The following MYO1C variants were observed in gnomAD, a reference collection of about 807,000 sequenced individuals.
MYO1C encodes unconventional myosin-Ic.
A neutral mutation model predicts 150.8 loss-of-function variants in MYO1C; 104 were observed. The observed-to-expected ratio is 0.69, with a 90% CI of 0.59 to 0.81. MYO1C has a LOEUF of 0.81. Among genes scored for constraint, MYO1C ranks in the 30% least tolerant of loss-of-function variants. The pLI, the probability that MYO1C is intolerant of heterozygous loss-of-function variation, is 0.00. For missense variants in MYO1C, 1,504 were observed against 1,435.0 expected, an observed-to-expected ratio of 1.05 and a Z score of -0.78; for synonymous variants, 663 against 579.9, an observed-to-expected ratio of 1.14 and a Z score of -2.06.
In MYO1C at chr17:1,482,558, C is replaced by A; in HGVS notation, c.547G>T (p.Ala183Ser). ...RLLQSNPVLE[A>S]FGNAKTLRND... The stretch of plus-strand genomic sequence containing the variant: ...CGGAGGGTCTTGGCATTTCCAAAGG[C>A]CTAGGAGTGGACAGGGGTATGAGGG... Residue 183 changes from alanine (A) to serine (S), a missense_variant and splice_region_variant, in exon 5 of 32, where the codon GCC (alanine) becomes TCC (serine). Physicochemically the swap from Ala to Ser is moderately conservative, Grantham distance 99. Coordinates refer to ENST00000648651, the MANE Select transcript of MYO1C (RefSeq NM_001080779.2). The A allele has an allele frequency of 1.2e-6, 2 of 1,613,958 alleles. No homozygotes were observed. Among genetic ancestry groups the A allele is most frequent in the Non-Finnish European group, 8.5e-7 (1 of 1,179,900 alleles).
chr17:1,478,263 G>A lies in MYO1C; in HGVS notation c.1296-71C>T. 5.1e-6 allele frequency: 8 copies of A among 1,563,528 alleles called. No individual in the cohort carries two copies. The highest frequency in any genetic ancestry group is 2.2e-5 in the East Asian group (1 of 44,656). On this transcript the variant is annotated intron_variant, in intron 11 of 31. Coordinates refer to ENST00000648651, the MANE Select transcript of MYO1C (RefSeq NM_001080779.2). The surrounding 1 kb of genome is among the most constrained non-coding windows in gnomAD (Gnocchi z 6.3). ...GACCAGGAGAGGGGAAAAGCTGGAC[G>A]ACGCCCCTGAGCACAGGAGGTGAGA...
chr17:1,478,143 A>C lies in MYO1C; in HGVS notation c.1345T>G (p.Phe449Val), dbSNP rs780063818. 3.1e-6 allele frequency: 5 copies of C among 1,613,994 alleles called. No individual in the cohort carries two copies. In the African/African-American group the frequency reaches 6.7e-5, roughly 22 times the overall value. Reference protein sequence around the residue: ...NYCNEKLQQLFIELTLKSEQE... With the variant: ...NYCNEKLQQLVIELTLKSEQE... ...TCCGACTTGAGCGTGAGCTCGATGAAGAGCTGCTGCAGCTTCTCGTTGCAG... is the reference window on the plus strand; with the variant it reads ...TCCGACTTGAGCGTGAGCTCGATGACGAGCTGCTGCAGCTTCTCGTTGCAG... The change falls in exon 12 of 32, where the codon TTC becomes GTC. Residue 449 changes from phenylalanine to valine, a missense_variant. Physicochemically the swap from Phe to Val is conservative, Grantham distance 50. Transcript: ENST00000648651. This position sits in a 1 kb window ranked among gnomAD's most constrained non-coding sequence, Gnocchi z 6.3.
rs1225799810 is a variant in MYO1C, at chr17:1,479,795, G to T, written c.907-90C>A. The T allele has an allele frequency of 2.3e-6, 2 of 875,616 alleles. No homozygotes were observed. Among genetic ancestry groups the T allele is most frequent in the African/African-American group, 1.7e-5 (1 of 60,326 alleles). The allele number at this position is 875,616 out of a possible 1,614,324, so 54.2% of individuals were successfully genotyped here. A position where few individuals can be genotyped will look rare whatever the true frequency, so the allele number is the denominator to read the frequency against. ...GCAGATGGCCATGCAGGGGTGGGTG[G>T]TGAAGTGTCGGAGAGAAGGGGCTGG... On this transcript the variant is annotated intron_variant, in intron 7 of 31. Coordinates refer to ENST00000648651, the MANE Select transcript of MYO1C (RefSeq NM_001080779.2). This position sits in a 1 kb window ranked among gnomAD's most constrained non-coding sequence, Gnocchi z 4.2.
At chr17:1,477,826 C>G in intron 13 of MYO1C, 65 bp downstream of exon 13, 1 of 1,457,188 alleles carries the variant, frequency 6.9e-7, no homozygotes, top group Non-Finnish European at 9.6e-7. Context: ...CTGGAGAGAA[C>G]GGAGAAGGGG....
chr17:1,477,405 C>A, intron 14 of MYO1C, 100 bp downstream of exon 14: 1 of 1,100,350 alleles, frequency 9.1e-7, no homozygotes, highest in Non-Finnish European at 1.4e-6. Flanking sequence ...CTGGTCACCT[C>A]CTTGTGGCTG....
chr17:1,481,152 A>G, intron 5 of MYO1C: 1 of 502,026 alleles, frequency 2.0e-6, no homozygotes, highest in South Asian at 2.2e-5. Context: ...GAAGCTCAAC[A>G]CCGGACCTTC....
chr17:1,472,026 TG>T lies in MYO1C; in HGVS notation c.1904-3del. Reference sequence around the variant, plus strand: ...GGATCAGCACCTCGTCAAAGCGGCCTGGGGTAGGGGGAGCGCCGTGGTCAGC... The same window carrying T: ...GGATCAGCACCTCGTCAAAGCGGCCTGGGTAGGGGGAGCGCCGTGGTCAGC... On this transcript the variant is annotated splice_region_variant and splice_polypyrimidine_tract_variant and intron_variant, in intron 18 of 31. Coordinates refer to ENST00000648651, the MANE Select transcript of MYO1C (RefSeq NM_001080779.2). 4 of 1,613,934 alleles carry T rather than the reference TG, an allele frequency of 2.5e-6. No homozygotes were observed. The highest frequency in any genetic ancestry group is 3.4e-6 in the Non-Finnish European group (4 of 1,179,914).
Position 1,482,981 on chromosome 17 carries a change from G to C in MYO1C, c.426C>G (p.Ser142Arg). The stretch of plus-strand genomic sequence containing the variant: ...TGGTGGCCTCGGTCTTGCCTGCCCC[G>C]CTCTCCCCAGAGATCATCACAGCCT... ...RDQAVMISGE[S>R]GAGKTEATKR... Residue 142 changes from serine to arginine, a missense_variant, in exon 4 of 32, where the codon AGC becomes AGG. By Grantham distance (110) the Ser-to-Arg change is moderately radical (BLOSUM62 -1). Coordinates refer to ENST00000648651, the MANE Select transcript of MYO1C (RefSeq NM_001080779.2). 2 of 1,612,464 alleles carry C rather than the reference G, an allele frequency of 1.2e-6. No individual in the cohort carries two copies. Among genetic ancestry groups the C allele is most frequent in the Non-Finnish European group, 1.7e-6 (2 of 1,179,898 alleles).
intron 1 of MYO1C, chr17:1,485,009 G>A (rs1054146071): frequency 2.2e-5 from 19 of 879,218 alleles, no homozygotes; most frequent in Non-Finnish European, 2.9e-5. Flanking sequence ...CCAGAACGCG[G>A]GGGAGGCCCT....
chr17:1,466,340 CA>C (rs2150926005), intron 31 of MYO1C, among the ~76,000 whole-genome samples: 1 of 151,600 alleles, frequency 6.6e-6, no homozygotes, highest in Non-Finnish European at 1.5e-5. Flanking sequence ...TTTTTGTATA[CA>C]AATTCTGAGA....
At position 1,472,189 on chromosome 17, in the gene MYO1C, C is replaced by G; in HGVS notation, c.1837G>C (p.Glu613Gln). 6.2e-7 allele frequency: 1 copy of G among 1,614,122 alleles called. No individual in the cohort carries two copies. The highest frequency in any genetic ancestry group is 8.5e-7 in the Non-Finnish European group (1 of 1,180,014). Residue 613 changes from glutamate (E) to glutamine (Q), a missense_variant, in exon 18 of 32, where the codon GAG becomes CAG. Coordinates refer to ENST00000648651, the MANE Select transcript of MYO1C (RefSeq NM_001080779.2). ...QFKMSLLQLV[E>Q]ILQSKEPAYV... ...GCGGGCTCCTTAGACTGCAGGATCT[C>G]CACCAGCTGCAGGAGGCTCATCTTG...
intron 17 of MYO1C, among the ~76,000 whole-genome samples, chr17:1,474,183 T>C (rs1200150515): frequency 6.6e-6 from 1 of 151,814 alleles, no homozygotes; most frequent in African/African-American, 2.4e-5. Flanking sequence ...TCCTAACACT[T>C]TGGGAGGCCG....
chr17:1,477,366 T>C lies in MYO1C; in HGVS notation c.1574+139A>G, dbSNP rs1162370406. The C allele has an allele frequency of 1.2e-5, 9 of 761,994 alleles. No homozygotes were observed. The East Asian group carries it at 2.2e-4, about 18-fold the overall frequency. The allele number at this position is 761,994 out of a possible 1,614,324, so 47.2% of individuals were successfully genotyped here. A position where few individuals can be genotyped will look rare whatever the true frequency, so the allele number is the denominator to read the frequency against. On this transcript the variant is annotated intron_variant, in intron 14 of 31. Transcript: ENST00000648651. ...CTAAGCTTCTTAGTTTCTGGACACA[T>C]GTGAGGGGTCCTTAACTCAGCACCG...
In MYO1C at chr17:1,475,019, C is replaced by G; in HGVS notation, c.1588G>C (p.Asp530His). ...CCCAGAGATTTCCTGGTCCGCTGGT[C>G]AGCCAGCTTGTGCCTGGGGGTGACA... ...HPHFLTHKLA[D>H]QRTRKSLGRG... Residue 530 changes from aspartate (D) to histidine (H), a missense_variant, in exon 15 of 32, where the codon GAC becomes CAC. Physicochemically the swap from Asp to His is moderately conservative, Grantham distance 81. Coordinates refer to ENST00000648651, the MANE Select transcript of MYO1C (RefSeq NM_001080779.2). The G allele has an allele frequency of 6.4e-7, 1 of 1,552,152 alleles. No individual in the cohort carries two copies.
intron 25 of MYO1C, 192 bp downstream of exon 25, chr17:1,469,339 G>GACT: frequency 2.2e-6 from 1 of 448,972 alleles, no homozygotes; most frequent in Non-Finnish European, 4.2e-6. Context: ...AAATACGGTA[G>GACT]GCGGGGTAAA....
intron 29 of MYO1C, 82 bp from the exon 30 acceptor site, chr17:1,467,659 AC>A: frequency 1.4e-6 from 1 of 721,572 alleles, no homozygotes; most frequent in Non-Finnish European, 1.8e-6. Flanking sequence ...CCACCTCCTG[AC>A]CCCCAAATCC....
At chr17:1,491,561 G>A (rs2074734779) in intron 1 of MYO1C, 2 of 919,496 alleles carry the variant, frequency 2.2e-6, no homozygotes, top group Non-Finnish European at 1.3e-6. Flanking sequence ...CCCCACACCC[G>A]CCCCCCGCGG....
At chr17:1,480,444 G>T in intron 7 of MYO1C, 83 bp downstream of exon 7, 1 of 1,219,050 alleles carries the variant, frequency 8.2e-7, no homozygotes. Flanking sequence ...ATGAAACTCC[G>T]TCTCAAAAAA....
At chr17:1,467,706 C>T in intron 29 of MYO1C, 129 bp from the exon 30 acceptor site, 1 of 946,400 alleles carries the variant, frequency 1.1e-6, no homozygotes. Context: ...CATCCACCTC[C>T]TGACCCCCCA....
Sources: gnomAD v4.1 joint callset for allele counts (sites outside exome capture counted in the v4.1 genomes callset) on GRCh38, gnomAD v4.1.1 for gene constraint, Gnocchi (gnomAD v3.1) non-coding constraint, MANE v1.5 for transcripts, NCBI Gene and HGNC (gene_info 2026-07-23, HGNC 2026-07-21) for gene names.